Variants in VPS13B observed in about 807,000 individuals in gnomAD.
VPS13B encodes the protein vacuolar protein sorting 13 homolog B.
In VPS13B, 285 loss-of-function variants were observed where a neutral mutation model predicts 426.4. That is an observed-to-expected ratio of 0.67 (90% CI 0.61 to 0.74). The LOEUF is 0.74. Among genes scored for constraint, VPS13B ranks in the 30% least tolerant of loss-of-function variants. The pLI is 0.00. For synonymous variants in VPS13B, 1,676 were observed against 1,676.4 expected (o/e 1.00, Z 0.01); for missense variants, 4,537 against 4,782.6 (o/e 0.95, Z 1.51).
At chr8:99,360,146 CTT>C (rs1388026868) in intron 19 of VPS13B, among the ~76,000 whole-genome samples, 2 of 31,856 alleles carry the variant, frequency 6.3e-5, no homozygotes, top group African/African-American at 1.6e-4. Context: ...TTCTTTCTTT[CTT>C]TCTTTCTTTC....
intron 17 of VPS13B, among the ~76,000 whole-genome samples, chr8:99,244,433 T>C (rs1305950540): frequency 1.3e-5 from 2 of 152,224 alleles, no homozygotes; most frequent in African/African-American, 4.8e-5. Flanking sequence ...TTATAAATAT[T>C]ATTTAGTGTT....
intron 36 of VPS13B, among the ~76,000 whole-genome samples, chr8:99,701,282 A>G (rs1832270245): frequency 6.6e-6 from 1 of 152,222 alleles, no homozygotes; most frequent in South Asian, 2.1e-4. Context: ...ATAAATTGCA[A>G]CCCAGACAAC....
intron 21 of VPS13B, among the ~76,000 whole-genome samples, chr8:99,431,318 G>A (rs2133411688): frequency 6.6e-6 from 1 of 152,266 alleles, no homozygotes; most frequent in East Asian, 1.9e-4. Flanking sequence ...TGACAAGGGT[G>A]AATGCTCTCC....
chr8:99,143,280 A>G, intron 13 of VPS13B, 115 bp downstream of exon 13: 1 of 1,333,300 alleles, frequency 7.5e-7, no homozygotes. Context: ...CCTGTTTGCA[A>G]GGACTTTGAT....
chr8:99,191,081 T>C (rs771300886), intron 16 of VPS13B, among the ~76,000 whole-genome samples: 1 of 152,080 alleles, frequency 6.6e-6, no homozygotes, highest in Non-Finnish European at 1.5e-5. Flanking sequence ...CTGACAGTTT[T>C]CCTTTTTCTT....
chr8:99,019,835 C>G (rs916049922), intron 2 of VPS13B, among the ~76,000 whole-genome samples: 1 of 152,154 alleles, frequency 6.6e-6, no homozygotes, highest in African/African-American at 2.4e-5. Flanking sequence ...GTTTTTATGT[C>G]TAAATAATCT....
At chr8:99,039,801 C>A (rs1563499405) in intron 3 of VPS13B, among the ~76,000 whole-genome samples, 1 of 151,950 alleles carries the variant, frequency 6.6e-6, no homozygotes, top group African/African-American at 2.4e-5. Context: ...TTTATGAAAT[C>A]TTTGATTCCA....
intron 16 of VPS13B, among the ~76,000 whole-genome samples, chr8:99,182,246 GTATGATTC>G (rs1270109430): frequency 6.6e-6 from 1 of 152,160 alleles, no homozygotes; most frequent in Non-Finnish European, 1.5e-5. Flanking sequence ...CAGAAACATG[GTATGATTC>G]TATTTATATG....
chr8:99,861,789 C>A lies in VPS13B; in HGVS notation c.11058C>A (p.Ser3686=). 6.3e-7 allele frequency: 1 copy of A among 1,595,578 alleles called. No individual in the cohort carries two copies. Among genetic ancestry groups the A allele is most frequent in the East Asian group, 2.3e-5 (1 of 44,268 alleles). ...TTGTTCCCTCAGGTACCCTCACATC[C>A]ATCACCAACCTCGCCACAAGCCTGG... ...VKHISKGTLT[S]ITNLATSLAR... The change falls in exon 58 of 62, where the codon TCC becomes TCA. Residue 3686 remains serine, a synonymous_variant. Coordinates refer to ENST00000357162, the MANE Select transcript of VPS13B (RefSeq NM_152564.5).
At chr8:99,139,737 C>G (rs1810295659) in intron 12 of VPS13B, among the ~76,000 whole-genome samples, 1 of 151,668 alleles carries the variant, frequency 6.6e-6, no homozygotes, top group African/African-American at 2.4e-5. Flanking sequence ...GCGCCCGGCC[C>G]TCTGTTGATA....
rs751420924 is a variant in VPS13B at position 99,501,732 on chromosome 8, G to A, written c.3916G>A (p.Val1306Met). 1 of 1,614,012 alleles carries A rather than the reference G, an allele frequency of 6.2e-7. No individual in the cohort carries two copies. The highest frequency in any genetic ancestry group is 1.7e-5 in the Admixed American group (1 of 59,988). Residue 1306 changes from valine to methionine, a missense_variant, in exon 26 of 62, where the codon GTG (valine) becomes ATG (methionine). Coordinates refer to ENST00000357162, the MANE Select transcript of VPS13B (RefSeq NM_152564.5). ...TGAGGAATCACCATTCTCAGATTCT[G>A]TGACCTTGGAACAAACTACAAGTAA... ...AGEESPFSDSVTLEQTTSNIG... is the reference protein window; with the variant it reads ...AGEESPFSDSMTLEQTTSNIG...
intron 56 of VPS13B, among the ~76,000 whole-genome samples, chr8:99,855,570 G>A (rs562722720): frequency 1.2e-4 from 18 of 152,132 alleles, no homozygotes; most frequent in Admixed American, 1.2e-3. Flanking sequence ...AAAGAACATG[G>A]AAATCTTACT....
chr8:99,192,791 T>C, intron 16 of VPS13B, 85 bp from the exon 17 acceptor site: 1 of 1,474,642 alleles, frequency 6.8e-7, no homozygotes. Context: ...ATACCCTTTC[T>C]TCCCTTGCAA....
rs1415913232 is a variant in VPS13B at position 99,640,043 on chromosome 8, GAAGAAGAGAAAAGAAAAGAAA to G, written c.5221-1766_5221-1746del. On this transcript the variant is annotated intron_variant, in intron 33 of 61. Transcript: ENST00000357162. Reference sequence around the variant, plus strand: ...ATAATAATAAGAAGAAGAAGAAGAAGAAGAAGAGAAAAGAAAAGAAAAGAAAAGAAAAGAAAAGAAAAGAAA... The same window carrying G: ...ATAATAATAAGAAGAAGAAGAAGAAGAGAAAAGAAAAGAAAAGAAAAGAAA... Among the ~76,000 whole-genome samples the G allele has an allele frequency of 3.4e-4, 28 of 82,182 alleles. 1 individual carries two copies. In the South Asian group the frequency reaches 6.5e-3, roughly 19 times the overall value. 53.9% of individuals were successfully genotyped at this position (82,182 alleles called of 152,430 possible).
At chr8:99,521,403 T>C (rs1005176426) in intron 30 of VPS13B, among the ~76,000 whole-genome samples, 2 of 152,200 alleles carry the variant, frequency 1.3e-5, no homozygotes, top group African/African-American at 4.8e-5. Context: ...AAGCTATTAT[T>C]TGAAATGTAG....
At chr8:99,542,647 G>A (rs1027793232) in intron 30 of VPS13B, among the ~76,000 whole-genome samples, 6 of 152,246 alleles carry the variant, frequency 3.9e-5, no homozygotes, top group Admixed American at 3.3e-4. Context: ...TATTACATAG[G>A]TGGATGGAGA....
chr8:99,225,684 G>T (rs535030787), intron 17 of VPS13B, among the ~76,000 whole-genome samples: 4 of 151,982 alleles, frequency 2.6e-5, no homozygotes, highest in Non-Finnish European at 5.9e-5. Context: ...ACCTTCCTGG[G>T]CTCTACTTTG....
At chr8:99,660,854 G>T (rs1212878986) in intron 34 of VPS13B, among the ~76,000 whole-genome samples, 1 of 152,114 alleles carries the variant, frequency 6.6e-6, no homozygotes, top group Non-Finnish European at 1.5e-5. Flanking sequence ...GAAAGCTACT[G>T]AGGTTAACTT....
chr8:99,233,882 C>T, intron 17 of VPS13B: 1 of 780,700 alleles, frequency 1.3e-6, no homozygotes, highest in Non-Finnish European at 2.4e-6. Context: ...AATCGTGTGG[C>T]ATGCTTCAGA....
Sources: gnomAD v4.1 joint callset for allele counts (sites outside exome capture counted in the v4.1 genomes callset) on GRCh38, gnomAD v4.1.1 for gene constraint, MANE v1.5 for transcripts, NCBI Gene and HGNC (gene_info 2026-07-23, HGNC 2026-07-21) for gene names.